CDKAL1: variants seen among roughly 807,000 people sequenced by gnomAD.
The protein encoded by CDKAL1 is CDKAL1 threonylcarbamoyladenosine tRNA methylthiotransferase.
In CDKAL1, 32 loss-of-function variants were observed where a neutral mutation model predicts 68.2. The ratio of observed to expected loss-of-function variants is 0.47; its 90% CI spans 0.35 to 0.63. CDKAL1 has a LOEUF of 0.63. CDKAL1 is among the 30% of genes least tolerant of loss of function. The pLI, the probability that CDKAL1 is intolerant of heterozygous loss-of-function variation, is 0.00. For missense variants in CDKAL1, 606 were observed against 696.7 expected (o/e 0.87, Z 1.47); for synonymous variants, 234 against 244.3 (o/e 0.96, Z 0.39).
intron 11 of CDKAL1, among the ~76,000 whole-genome samples, chr6:21,047,497 G>C (rs181664761): frequency 1.7e-4 from 26 of 152,268 alleles, no homozygotes; most frequent in African/African-American, 5.8e-4. Context: ...AAAGCCTATT[G>C]CTTTATTAAA....
At chr6:21,218,723 C>A (rs1562125910) in intron 15 of CDKAL1, among the ~76,000 whole-genome samples, 1 of 152,128 alleles carries the variant, frequency 6.6e-6, no homozygotes, top group Non-Finnish European at 1.5e-5. Context: ...AGCAAGCAAG[C>A]AAGCAGAGAG....
chr6:20,821,060 A>G (rs1422656017), intron 8 of CDKAL1, among the ~76,000 whole-genome samples: 1 of 151,654 alleles, frequency 6.6e-6, no homozygotes, highest in Non-Finnish European at 1.5e-5. Flanking sequence ...CAGCGAAGCA[A>G]AAGGCCTTGG....
At chr6:21,163,454 T>C (rs1302073235) in intron 13 of CDKAL1, among the ~76,000 whole-genome samples, 1 of 152,178 alleles carries the variant, frequency 6.6e-6, no homozygotes, top group Non-Finnish European at 1.5e-5. Flanking sequence ...TTTAGTGTCT[T>C]GATTTCAAGT....
At chr6:20,680,815 A>G (rs574863599) in intron 5 of CDKAL1, among the ~76,000 whole-genome samples, 1 of 152,280 alleles carries the variant, frequency 6.6e-6, no homozygotes, top group South Asian at 2.1e-4. Context: ...AATATAATCT[A>G]ACAATGATGC....
intron 9 of CDKAL1, among the ~76,000 whole-genome samples, chr6:20,899,584 C>G (rs1761866749): frequency 6.6e-6 from 1 of 152,174 alleles, no homozygotes; most frequent in Non-Finnish European, 1.5e-5. Flanking sequence ...TGGCTCACGC[C>G]TGTAATCCCA....
At chr6:20,831,589 C>T (rs1422673106) in intron 8 of CDKAL1, among the ~76,000 whole-genome samples, 1 of 152,118 alleles carries the variant, frequency 6.6e-6, no homozygotes, top group Non-Finnish European at 1.5e-5. Context: ...AGACAGTGAC[C>T]ATGACCTTTT....
At chr6:21,215,042 G>GA (rs1460092190) in intron 15 of CDKAL1, among the ~76,000 whole-genome samples, 4 of 152,164 alleles carry the variant, frequency 2.6e-5, no homozygotes, top group African/African-American at 9.7e-5. Flanking sequence ...ACTGCAGTGG[G>GA]GCTCAGCTGA....
intron 5 of CDKAL1, among the ~76,000 whole-genome samples, chr6:20,699,127 A>C (rs1771231939): frequency 6.6e-6 from 1 of 152,088 alleles, no homozygotes; most frequent in Admixed American, 6.5e-5. Flanking sequence ...ATGTTTTTCA[A>C]GTCCAGTTAA....
intron 5 of CDKAL1, among the ~76,000 whole-genome samples, chr6:20,726,611 T>A (rs975938388): frequency 1.1e-4 from 16 of 152,154 alleles, no homozygotes; most frequent in African/African-American, 3.4e-4. Context: ...GGCTAAACAG[T>A]AGAAAGGAGA....
intron 12 of CDKAL1, among the ~76,000 whole-genome samples, chr6:21,096,181 A>G (rs1200356876): frequency 6.6e-6 from 1 of 152,160 alleles, no homozygotes; most frequent in Non-Finnish European, 1.5e-5. Flanking sequence ...CTTCTCTTCA[A>G]ATGGGGTGAC....
intron 11 of CDKAL1, among the ~76,000 whole-genome samples, chr6:21,050,600 T>C (rs539100563): frequency 2.6e-5 from 4 of 152,296 alleles, no homozygotes; most frequent in African/African-American, 7.2e-5. Flanking sequence ...TGCTTGCTGA[T>C]TGGTTTGTGA....
chr6:20,541,817 C>T (rs1763399669), intron 2 of CDKAL1, among the ~76,000 whole-genome samples: 1 of 152,166 alleles, frequency 6.6e-6, no homozygotes, highest in African/African-American at 2.4e-5. Context: ...TGTGCCACCA[C>T]GCCCGGCTAA....
rs150016520 is a variant in CDKAL1, at chr6:21,107,242, C to T, written c.1237-1159C>T. Among the ~76,000 whole-genome samples the T allele has an allele frequency of 7.1e-3, 1,078 of 151,994 alleles. 10 individuals are homozygous for T. The highest frequency in any genetic ancestry group is 0.02 in the African/African-American group (810 of 41,432). ...GATTACAGGCGTGAGCCACCGTGCCCGGCCAAAAAAGCCACTTTTATATTA... is the reference window on the plus strand; with the variant it reads ...GATTACAGGCGTGAGCCACCGTGCCTGGCCAAAAAAGCCACTTTTATATTA... On this transcript the variant is annotated intron_variant, in intron 12 of 15. Coordinates refer to ENST00000274695, the MANE Select transcript of CDKAL1 (RefSeq NM_017774.3).
At chr6:20,752,135 C>T (rs1371778692) in intron 6 of CDKAL1, among the ~76,000 whole-genome samples, 1 of 151,826 alleles carries the variant, frequency 6.6e-6, no homozygotes, top group Non-Finnish European at 1.5e-5. Context: ...CCCTTTTCCC[C>T]ATTGCTTCCT....
intron 9 of CDKAL1, among the ~76,000 whole-genome samples, chr6:20,861,506 A>G (rs1335087054): frequency 6.6e-6 from 1 of 152,252 alleles, no homozygotes; most frequent in Non-Finnish European, 1.5e-5. Context: ...TTTTAAAATA[A>G]TCAAATATTT....
chr6:20,537,560 C>T (rs575122370), intron 2 of CDKAL1, among the ~76,000 whole-genome samples: 4 of 149,696 alleles, frequency 2.7e-5, no homozygotes, highest in African/African-American at 4.9e-5. Context: ...GAGCCGAGAT[C>T]GTGCCATTGC....
intron 9 of CDKAL1, among the ~76,000 whole-genome samples, chr6:20,883,957 G>A (rs746613649): frequency 6.6e-6 from 1 of 151,972 alleles, no homozygotes; most frequent in East Asian, 1.9e-4. Context: ...AAATAGAAGA[G>A]GAGAGAACAC....
At chr6:21,039,720 A>G (rs9295489) in intron 11 of CDKAL1, among the ~76,000 whole-genome samples, 51,083 of 152,098 alleles carry the variant, frequency 0.34, 8,818 homozygotes, top group South Asian at 0.46. Context: ...GAACAGTATC[A>G]TGCCTGTAAG....
intron 12 of CDKAL1, among the ~76,000 whole-genome samples, chr6:21,104,785 T>C (rs1773765179): frequency 6.6e-6 from 1 of 152,234 alleles, no homozygotes; most frequent in Admixed American, 6.5e-5. Context: ...TGTTACTTAG[T>C]TATACTCCAT....
Sources: allele counts gnomAD v4.1 joint callset (sites outside exome capture counted in the v4.1 genomes callset), GRCh38; gene constraint gnomAD v4.1.1; transcripts MANE v1.5; gene names NCBI Gene and HGNC (gene_info 2026-07-23, HGNC 2026-07-21).